Variants in PKHD1 observed in about 807,000 individuals in gnomAD.
PKHD1 encodes fibrocystin.
In PKHD1, 291 loss-of-function variants were observed where a neutral mutation model predicts 412.0. That is an observed-to-expected ratio of 0.71 (90% CI 0.64 to 0.78). The LOEUF is 0.78. Ranked by LOEUF, PKHD1 falls within the 30% of genes least tolerant of loss-of-function variation. PKHD1 has a pLI of 0.00. For missense variants in PKHD1, 4,825 were observed against 4,950.7 expected (o/e 0.97, Z 0.76); for synonymous variants, 1,777 against 1,821.5 (o/e 0.98, Z 0.62).
intron 12 of PKHD1, among the ~76,000 whole-genome samples, chr6:52,065,767 AGT>A: frequency 6.6e-6 from 1 of 152,264 alleles, no homozygotes; most frequent in South Asian, 2.1e-4. Context: ...ATGCATTGTG[AGT>A]GTGTCTGCAG....
At chr6:51,808,255 A>G (rs1427827147) in intron 52 of PKHD1, among the ~76,000 whole-genome samples, 1 of 151,984 alleles carries the variant, frequency 6.6e-6, no homozygotes, top group Non-Finnish European at 1.5e-5. Context: ...GTTTTTTTTA[A>G]TTTTTGCATA....
chr6:52,058,326 T>C lies in PKHD1; in HGVS notation c.1509A>G (p.Val503=). ...IRVRAQRLPE[V]QVLNVSGRGN... is the part of the protein sequence containing the mutation. Reference sequence around the variant, plus strand: ...GGGACTGGAAAGAGACACAGACCTGTACTTCTGGAAGCCTCTGGGCTCGGA... The same window carrying C: ...GGGACTGGAAAGAGACACAGACCTGCACTTCTGGAAGCCTCTGGGCTCGGA... The change falls in exon 16 of 67, where the codon GTA becomes GTG. Residue 503 remains valine, a synonymous_variant. Transcript: ENST00000371117. The C allele has an allele frequency of 6.2e-7, 1 of 1,614,124 alleles. No individual in the cohort carries two copies. Among genetic ancestry groups the C allele is most frequent in the East Asian group, 2.2e-5 (1 of 44,892 alleles).
At chr6:51,865,521 C>T (rs898700494) in intron 48 of PKHD1, among the ~76,000 whole-genome samples, 2 of 152,152 alleles carry the variant, frequency 1.3e-5, no homozygotes, top group Admixed American at 1.3e-4. Context: ...CAAGGAAGAA[C>T]TCACACTCCA....
chr6:52,002,476 C>A (rs956104865), intron 35 of PKHD1, among the ~76,000 whole-genome samples: 5 of 152,176 alleles, frequency 3.3e-5, no homozygotes, highest in African/African-American at 1.2e-4. Flanking sequence ...ACATTTGGAG[C>A]CTCATTTCAG....
At chr6:52,064,101 T>G (rs966977978) in intron 13 of PKHD1, among the ~76,000 whole-genome samples, 4 of 152,232 alleles carry the variant, frequency 2.6e-5, no homozygotes, top group Non-Finnish European at 4.4e-5. Flanking sequence ...TGCATGCATT[T>G]TCACACCTGA....
At position 51,648,049 on chromosome 6, in the gene PKHD1, A is replaced by G; in HGVS notation, c.11380T>C (p.Ser3794Pro). ...TACCTACCTTTTAGCACTGAGTCTGATGCTCCTTCCAGGGAAGCTGAAATT... is the reference window on the plus strand; with the variant it reads ...TACCTACCTTTTAGCACTGAGTCTGGTGCTCCTTCCAGGGAAGCTGAAATT... ...WTISASLEGA[S>P]DSVLKGCTQA... The change falls in exon 63 of 67, where the codon TCA becomes CCA. Residue 3794 changes from serine (S) to proline (P), a missense_variant. Coordinates refer to ENST00000371117, the MANE Select transcript of PKHD1 (RefSeq NM_138694.4). 6.3e-7 allele frequency: 1 copy of G among 1,598,568 alleles called. No individual in the cohort carries two copies. Among genetic ancestry groups the G allele is most frequent in the Non-Finnish European group, 8.6e-7 (1 of 1,165,820 alleles).
intron 61 of PKHD1, 103 bp downstream of exon 61, chr6:51,658,849 T>G: frequency 2.6e-6 from 2 of 776,902 alleles, no homozygotes; most frequent in Non-Finnish European, 4.6e-6. Flanking sequence ...AAAAAGCAGA[T>G]GAGTTATATG....
Position 51,848,975 on chromosome 6 carries a change from C to G in PKHD1, c.7912-1005G>C, listed in dbSNP as rs183813424. Among the ~76,000 whole-genome samples, 223 of 143,760 alleles carry G rather than the reference C, an allele frequency of 1.6e-3. 1 individual carries two copies. Among genetic ancestry groups the G allele is most frequent in the Non-Finnish European group, 2.6e-3 (175 of 67,034 alleles). The allele number at this position is 143,760 out of a possible 152,430, so 94.3% of individuals were successfully genotyped here. ...AAACAGGATACAGGTGCAGAACGTG[C>G]AGGTTTGTTACACAGGTATACGTGT... On this transcript the variant is annotated intron_variant, in intron 49 of 66. Transcript: ENST00000371117.
intron 52 of PKHD1, 138 bp downstream of exon 52, chr6:51,830,723 A>G (rs1432449249): frequency 1.2e-6 from 1 of 813,890 alleles, no homozygotes. Context: ...AACCCCCCCA[A>G]AAAGAGGAAG....
At chr6:51,907,995 C>T (rs1782370743) in intron 40 of PKHD1, among the ~76,000 whole-genome samples, 1 of 152,002 alleles carries the variant, frequency 6.6e-6, no homozygotes, top group Admixed American at 6.6e-5. Context: ...CAAGGAAGGG[C>T]TTTGATTATG....
At chr6:51,951,430 T>C (rs1467069099) in intron 36 of PKHD1, among the ~76,000 whole-genome samples, 3 of 152,182 alleles carry the variant, frequency 2.0e-5, no homozygotes, top group Non-Finnish European at 4.4e-5. Context: ...TTTCTCTTTA[T>C]CAAAGTTCAG....
chr6:51,904,601 G>A (rs1781786103), intron 41 of PKHD1, among the ~76,000 whole-genome samples: 1 of 152,132 alleles, frequency 6.6e-6, no homozygotes, highest in Non-Finnish European at 1.5e-5. Flanking sequence ...TCATGGGTCT[G>A]GGTTTGCATA....
chr6:52,087,391 C>G (rs181287018), intron 1 of PKHD1, 43 bp downstream of exon 1: 110 of 152,296 alleles, frequency 7.2e-4, no homozygotes, highest in African/African-American at 2.6e-3. Flanking sequence ...AGATACAACA[C>G]CTAGAAAACA....
intron 35 of PKHD1, among the ~76,000 whole-genome samples, chr6:51,991,004 T>C (rs1796981534): frequency 6.6e-6 from 1 of 152,332 alleles, no homozygotes; most frequent in Admixed American, 6.5e-5. Context: ...GTCTGTCACA[T>C]ATAAATGTTC....
At chr6:51,786,498 C>T (rs138514566) in intron 53 of PKHD1, among the ~76,000 whole-genome samples, 1 of 152,286 alleles carries the variant, frequency 6.6e-6, no homozygotes, top group Non-Finnish European at 1.5e-5. Flanking sequence ...CCACTGCCTT[C>T]ATAGGAAAAT....
chr6:51,638,980 A>C, intron 63 of PKHD1, 24 bp from the exon 64 acceptor site: 1 of 1,494,196 alleles, frequency 6.7e-7, no homozygotes, highest in Non-Finnish European at 9.3e-7. Flanking sequence ...CAAAACAAAA[A>C]TTAGCTGTTT....
intron 49 of PKHD1, among the ~76,000 whole-genome samples, chr6:51,849,106 T>C (rs868444642): frequency 1.3e-5 from 2 of 152,032 alleles, no homozygotes; most frequent in Admixed American, 6.6e-5. Context: ...TCCATGTCCA[T>C]GTGTTCTCAA....
rs1778336950 is a variant in PKHD1 at position 51,887,140 on chromosome 6, A to C, written c.7102T>G (p.Cys2368Gly). 6.3e-7 allele frequency: 1 copy of C among 1,599,828 alleles called. No individual in the cohort carries two copies. The highest frequency in any genetic ancestry group is 1.7e-5 in the Admixed American group (1 of 59,982). The change falls in exon 44 of 67, where the codon TGT becomes GGT. Residue 2368 changes from cysteine to glycine, a missense_variant. Physicochemically the swap from Cys to Gly is radical, Grantham distance 159. Coordinates refer to ENST00000371117, the MANE Select transcript of PKHD1 (RefSeq NM_138694.4). ...GAATTTCCCCAAAGTTACCTGGTAC[A>C]AGAATGTGCAATGTTCTGAGTGAAG... ...LSFTQNIAHS[C>G]TRYGLFVYPK...
chr6:51,706,313 T>A (rs922511821), intron 60 of PKHD1, among the ~76,000 whole-genome samples: 16 of 152,128 alleles, frequency 1.1e-4, no homozygotes, highest in African/African-American at 3.9e-4. Context: ...GCATCTGCAA[T>A]CTACATATGG....
Sources: allele counts gnomAD v4.1 joint callset (sites outside exome capture counted in the v4.1 genomes callset), GRCh38; gene constraint gnomAD v4.1.1; transcripts MANE v1.5; gene names NCBI Gene and HGNC (gene_info 2026-07-23, HGNC 2026-07-21).